The following PDE8B variants were observed in gnomAD, a reference collection of about 807,000 sequenced individuals.
The protein encoded by PDE8B is phosphodiesterase 8B, also known as high affinity cAMP-specific and IBMX-insensitive 3',5'-cyclic phosphodiesterase 8B.
Under a neutral mutation model 101.3 loss-of-function variants are expected in PDE8B, and 26 were observed. That is an observed-to-expected ratio of 0.26 (90% CI 0.19 to 0.36). The LOEUF is 0.36. Among genes scored for constraint, PDE8B ranks in the 10% least tolerant of loss-of-function variants. The pLI, the probability that PDE8B is intolerant of heterozygous loss-of-function variation, is 1.00. For synonymous variants in PDE8B, 424 were observed against 429.3 expected, an observed-to-expected ratio of 0.99 and a Z score of 0.15; for missense variants, 810 against 1,163.1, an observed-to-expected ratio of 0.70 and a Z score of 4.42.
At chr5:77,320,911 G>T (rs1774899759) in intron 2 of PDE8B, among the ~76,000 whole-genome samples, 1 of 152,108 alleles carries the variant, frequency 6.6e-6, no homozygotes, top group Non-Finnish European at 1.5e-5. Flanking sequence ...GCTGAAGAGG[G>T]AATGCATTAC....
chr5:77,099,729 C>T, the PDE8B span, among the ~76,000 whole-genome samples: 425 of 152,194 alleles, frequency 2.8e-3, 1 homozygote, highest in Non-Finnish European at 4.4e-3. Context: ...CCTGTCTCAG[C>T]CTCCCGAGTA....
intron 20 of PDE8B, among the ~76,000 whole-genome samples, chr5:77,424,124 C>CT (rs1797371140): frequency 6.6e-6 from 1 of 152,072 alleles, no homozygotes; most frequent in African/African-American, 2.4e-5. Flanking sequence ...CAAATGACTC[C>CT]TTGAACACCA....
At chr5:77,387,820 T>C (rs1445992386) in intron 10 of PDE8B, among the ~76,000 whole-genome samples, 2 of 152,182 alleles carry the variant, frequency 1.3e-5, no homozygotes, top group African/African-American at 2.4e-5. Flanking sequence ...TTTATTTCTT[T>C]AGTTGATCTT....
chr5:77,203,556 A>G, the PDE8B span, among the ~76,000 whole-genome samples: 1 of 152,340 alleles, frequency 6.6e-6, no homozygotes, highest in East Asian at 1.9e-4. Flanking sequence ...ATTCCCTTTG[A>G]TAAAGTTTTC....
the PDE8B span, among the ~76,000 whole-genome samples, chr5:77,129,599 C>T: frequency 6.6e-6 from 1 of 152,188 alleles, no homozygotes; most frequent in African/African-American, 2.4e-5. Context: ...CTAGCTGTGC[C>T]CACCGGAGGG....
At chr5:77,284,930 T>G (rs1027103245) in intron 1 of PDE8B, among the ~76,000 whole-genome samples, 4 of 152,218 alleles carry the variant, frequency 2.6e-5, no homozygotes, top group Non-Finnish European at 4.4e-5. Context: ...TAAACATTCT[T>G]GGACATATCT....
At chr5:77,377,524 T>C (rs549612972) in intron 10 of PDE8B, among the ~76,000 whole-genome samples, 1 of 152,328 alleles carries the variant, frequency 6.6e-6, no homozygotes, top group East Asian at 1.9e-4. Context: ...TTTGATCCTC[T>C]TAGATCCTAA....
intron 7 of PDE8B, among the ~76,000 whole-genome samples, chr5:77,346,792 A>G (rs1167571843): frequency 1.3e-5 from 2 of 152,216 alleles, no homozygotes; most frequent in East Asian, 3.8e-4. Context: ...AATCTGTAGT[A>G]TGGAACTTAA....
chr5:77,177,788 CA>C, the PDE8B span, among the ~76,000 whole-genome samples: 1 of 152,200 alleles, frequency 6.6e-6, no homozygotes, highest in African/African-American at 2.4e-5. Context: ...AGACACTAGA[CA>C]AAGGGACGAT....
the PDE8B span, among the ~76,000 whole-genome samples, chr5:77,154,886 TGTTAA>T: frequency 6.6e-6 from 1 of 152,300 alleles, no homozygotes; most frequent in Admixed American, 6.5e-5. Context: ...TGGGAAACTC[TGTTAA>T]GTTGTCAAAG....
the PDE8B span, among the ~76,000 whole-genome samples, chr5:77,162,555 A>T: frequency 6.6e-6 from 1 of 152,354 alleles, no homozygotes; most frequent in Non-Finnish European, 1.5e-5. Context: ...TAAATGTGGT[A>T]CTAGGGAAAA....
At chr5:77,154,233 T>C in the PDE8B span, among the ~76,000 whole-genome samples, 1 of 152,250 alleles carries the variant, frequency 6.6e-6, no homozygotes, top group African/African-American at 2.4e-5. Flanking sequence ...TTTTCTCATA[T>C]GGCTGATGGT....
At chr5:77,193,109 A>G in the PDE8B span, among the ~76,000 whole-genome samples, 1 of 152,226 alleles carries the variant, frequency 6.6e-6, no homozygotes, top group Non-Finnish European at 1.5e-5. Flanking sequence ...TATTTCTCCC[A>G]GTCTGTGGCT....
chr5:77,424,493 A>G (rs1797481680), intron 20 of PDE8B, among the ~76,000 whole-genome samples: 1 of 152,220 alleles, frequency 6.6e-6, no homozygotes, highest in Non-Finnish European at 1.5e-5. Flanking sequence ...AATGTGCAGA[A>G]TACTCAGATT....
intron 1 of PDE8B, among the ~76,000 whole-genome samples, chr5:77,282,072 T>A (rs1222300561): frequency 6.6e-6 from 1 of 152,108 alleles, no homozygotes; most frequent in East Asian, 1.9e-4. Flanking sequence ...GGAAGCCACA[T>A]GCAATCCTGT....
rs72766959 is a variant in PDE8B, at chr5:77,320,184, C to T, written c.400-5355C>T. Among the ~76,000 whole-genome samples, 335 of 152,136 alleles carry T rather than the reference C, an allele frequency of 2.2e-3. 1 individual carries two copies. Among genetic ancestry groups the T allele is most frequent in the Non-Finnish European group, 4.0e-3 (275 of 68,000 alleles). On this transcript the variant is annotated intron_variant, in intron 2 of 21. Coordinates refer to ENST00000264917, the MANE Select transcript of PDE8B (RefSeq NM_003719.5). ...TATAAAAATGCAGATTTCTTGCATG[C>T]ATATATTGTGTACTGGCTTTCAGTG...
chr5:77,404,692 C>T, intron 11 of PDE8B, 28 bp from the exon 12 acceptor site: 1 of 1,314,628 alleles, frequency 7.6e-7, no homozygotes, highest in Non-Finnish European at 1.1e-6. Context: ...AAACTAATCA[C>T]CTTCCCTTTC....
At chr5:77,179,736 A>G in the PDE8B span, among the ~76,000 whole-genome samples, 4 of 151,826 alleles carry the variant, frequency 2.6e-5, no homozygotes, top group Non-Finnish European at 5.9e-5. Flanking sequence ...CCCCTAATAG[A>G]TTTTTCTCAA....
chr5:77,091,509 G>A, the PDE8B span, among the ~76,000 whole-genome samples: 5 of 152,128 alleles, frequency 3.3e-5, no homozygotes, highest in African/African-American at 9.7e-5. Context: ...GGGTGTGGTG[G>A]TGGGTCCCTA....
Sources: gnomAD v4.1 joint callset for allele counts (sites outside exome capture counted in the v4.1 genomes callset) on GRCh38, gnomAD v4.1.1 for gene constraint, MANE v1.5 for transcripts, NCBI Gene and HGNC (gene_info 2026-07-23, HGNC 2026-07-21) for gene names.